OR56A1: variants seen among roughly 807,000 people sequenced by gnomAD.
OR56A1 encodes olfactory receptor family 56 subfamily A member 1.
For missense variants in OR56A1, 360 were observed against 380.9 expected, an observed-to-expected ratio of 0.94 and a Z score of 0.46; for synonymous variants, 174 against 159.1, an observed-to-expected ratio of 1.09 and a Z score of -0.70.
At position 6,026,952 on chromosome 11, in the gene OR56A1, G is replaced by A; in HGVS notation, c.741C>T (p.His247=). 2 of 1,614,060 alleles carry A rather than the reference G, an allele frequency of 1.2e-6. No homozygotes were observed. The highest frequency in any genetic ancestry group is 1.7e-6 in the Non-Finnish European group (2 of 1,179,918). ...TGCTGAAGAAAAGAATGAGGATGAAGTGGGAGCCACATGTGCTCAGGGCCT... is the reference window on the plus strand; with the variant it reads ...TGCTGAAGAAAAGAATGAGGATGAAATGGGAGCCACATGTGCTCAGGGCCT... ...AVKALSTCGS[H]FILILFFSTI... Residue 247 remains histidine (H), a synonymous_variant, in exon 2 of 2, where the codon CAC becomes CAT. Transcript: ENST00000641900.
In OR56A1 at chr11:6,024,386, G is replaced by A. The variant is rs970630214; in HGVS notation, c.*2362C>T. On this transcript the variant is annotated 3_prime_UTR_variant, in exon 2 of 2. Coordinates refer to ENST00000641900, the MANE Select transcript of OR56A1 (RefSeq NM_001388488.1). ...GCATTGATCTACAGAAGTCTGGTTC[G>A]GGAATTAAGATCTGAGTTTTGGCCA... 3 of 152,222 alleles carry A rather than the reference G, an allele frequency of 2.0e-5. No individual in the cohort carries two copies. Among genetic ancestry groups the A allele is most frequent in the African/African-American group, 2.4e-5 (1 of 41,534 alleles). 9.4% of individuals were successfully genotyped at this position (152,222 alleles called of 1,614,324 possible).
In OR56A1 at chr11:6,023,557, C is replaced by G. The variant is rs998703728; in HGVS notation, c.*3191G>C. On this transcript the variant is annotated 3_prime_UTR_variant, in exon 2 of 2. Coordinates refer to ENST00000641900, the MANE Select transcript of OR56A1 (RefSeq NM_001388488.1). ...ATCTTCCTGCTCAAGAGGCTGTGTT[C>G]CTCACACAAATATGACTAACCTGCA... 2 of 152,152 alleles carry G rather than the reference C, an allele frequency of 1.3e-5. No individual in the cohort carries two copies. Among genetic ancestry groups the G allele is most frequent in the African/African-American group, 2.4e-5 (1 of 41,432 alleles). 9.4% of individuals were successfully genotyped at this position (152,152 alleles called of 1,614,324 possible).
upstream of OR56A1, among the ~76,000 whole-genome samples, chr11:6,032,838 G>T (rs890333975): frequency 6.6e-6 from 1 of 152,038 alleles, no homozygotes; most frequent in Non-Finnish European, 1.5e-5. Context: ...TGATCCACTT[G>T]CTCCTAATGT....
chr11:6,020,791 C>G lies in OR56A1; in HGVS notation c.*5957G>C, dbSNP rs1003242226. The G allele has an allele frequency of 6.6e-6, 1 of 151,974 alleles. No individual in the cohort carries two copies. Among genetic ancestry groups the G allele is most frequent in the Non-Finnish European group, 1.5e-5 (1 of 67,956 alleles). 9.4% of individuals were successfully genotyped at this position (151,974 alleles called of 1,614,324 possible). A position where few individuals can be genotyped will look rare whatever the true frequency, so the allele number is the denominator to read the frequency against. The stretch of plus-strand genomic sequence containing the variant: ...ACTTCATGTCTTCTTATTTGGATGG[C>G]CTTTATTTCTTTCTCTTGCCTGATT... On this transcript the variant is annotated 3_prime_UTR_variant, in exon 2 of 2. Coordinates refer to ENST00000641900, the MANE Select transcript of OR56A1 (RefSeq NM_001388488.1).
At chr11:6,028,266 G>A (rs1848477113) in intron 1 of OR56A1, among the ~76,000 whole-genome samples, 1 of 150,558 alleles carries the variant, frequency 6.6e-6, no homozygotes, top group South Asian at 2.1e-4. Flanking sequence ...CCCACAACCT[G>A]AGCCTGAACA....
chr11:6,025,232 C>T lies in OR56A1; in HGVS notation c.*1516G>A, dbSNP rs565238555. On this transcript the variant is annotated 3_prime_UTR_variant, in exon 2 of 2. Coordinates refer to ENST00000641900, the MANE Select transcript of OR56A1 (RefSeq NM_001388488.1). Reference sequence around the variant, plus strand: ...CCTCAGTAGTCACAAGCTTTCAGACCCACATAAGATTGGAGCTGCGCCAGT... The same window carrying T: ...CCTCAGTAGTCACAAGCTTTCAGACTCACATAAGATTGGAGCTGCGCCAGT... The T allele has an allele frequency of 1.2e-4, 19 of 152,374 alleles. No individual in the cohort carries two copies. Among genetic ancestry groups the T allele is most frequent in the African/African-American group, 4.6e-4 (19 of 41,560 alleles). 9.4% of individuals were successfully genotyped at this position (152,374 alleles called of 1,614,324 possible).
At position 6,026,681 on chromosome 11, in the gene OR56A1, C is replaced by T; in HGVS notation, c.*67G>A. 1 of 981,814 alleles carries T rather than the reference C, an allele frequency of 1.0e-6. No individual in the cohort carries two copies. Among genetic ancestry groups the T allele is most frequent in the Non-Finnish European group, 1.6e-6 (1 of 642,994 alleles). The allele number at this position is 981,814 out of a possible 1,614,324, so 60.8% of individuals were successfully genotyped here. On this transcript the variant is annotated 3_prime_UTR_variant, in exon 2 of 2. Coordinates refer to ENST00000641900, the MANE Select transcript of OR56A1 (RefSeq NM_001388488.1). Reference sequence around the variant, plus strand: ...TAAACACTCACTAACTGACATTTCTCTACTTCGCTGCCTAGGTAAAATCAC... The same window carrying T: ...TAAACACTCACTAACTGACATTTCTTTACTTCGCTGCCTAGGTAAAATCAC...
chr11:6,027,675 G>C lies in OR56A1; in HGVS notation c.18C>G (p.Asn6Lys), dbSNP rs758208435. ...ATTCAGAGACTGGGACAGTGGAGCT[G>C]TTGCTGGGTGACGCCATAGGCTGAA... MASPS[N>K]SSTVPVSEFL... The change falls in exon 2 of 2, where the codon AAC (asparagine) becomes AAG (lysine). Residue 6 changes from asparagine (N) to lysine (K), a missense_variant. Coordinates refer to ENST00000641900, the MANE Select transcript of OR56A1 (RefSeq NM_001388488.1). 2 of 1,594,528 alleles carry C rather than the reference G, an allele frequency of 1.3e-6. No individual in the cohort carries two copies. The highest frequency in any genetic ancestry group is 1.3e-5 in the African/African-American group (1 of 74,658).
upstream of OR56A1, among the ~76,000 whole-genome samples, chr11:6,032,503 T>C (rs1357745274): frequency 6.6e-6 from 1 of 152,158 alleles, no homozygotes; most frequent in Non-Finnish European, 1.5e-5. Context: ...AAAAGCCCAC[T>C]GAAAAATATT....
intron 1 of OR56A1, among the ~76,000 whole-genome samples, chr11:6,028,121 A>G (rs117555183): frequency 0.016 from 2,457 of 152,248 alleles, 30 homozygotes; most frequent in Non-Finnish European, 0.024. Flanking sequence ...ACTATACACC[A>G]ATATAATTTG....
upstream of OR56A1, among the ~76,000 whole-genome samples, chr11:6,033,733 G>A (rs564021897): frequency 2.0e-5 from 3 of 152,056 alleles, 1 homozygote; most frequent in South Asian, 4.2e-4. Context: ...TGGCTATTAG[G>A]GGAAAAGGGC....
rs146831961 is a variant in OR56A1 at position 6,027,578 on chromosome 11, G to T, written c.115C>A (p.Leu39Ile). ...GTGGTGTTAGCTCCCATGGCCAGGAGGAAGAGAAGGCTGAGGGGCAGGGAG... is the reference window on the plus strand; with the variant it reads ...GTGGTGTTAGCTCCCATGGCCAGGATGAAGAGAAGGCTGAGGGGCAGGGAG... The part of the protein sequence containing the change: ...WLSLPLSLLF[L>I]LAMGANTTLL... Residue 39 changes from leucine to isoleucine, a missense_variant, in exon 2 of 2, where the codon CTC (leucine) becomes ATC (isoleucine). Coordinates refer to ENST00000641900, the MANE Select transcript of OR56A1 (RefSeq NM_001388488.1). 6 of 1,613,940 alleles carry T rather than the reference G, an allele frequency of 3.7e-6. No individual in the cohort carries two copies. The highest frequency in any genetic ancestry group is 3.4e-6 in the Non-Finnish European group (4 of 1,180,018).
rs200966241 is a variant in OR56A1 at position 6,027,506 on chromosome 11, A to C, written c.187T>G (p.Tyr63Asp). 3.5e-5 allele frequency: 56 copies of C among 1,613,958 alleles called. No homozygotes were observed. Among genetic ancestry groups the C allele is most frequent in the Non-Finnish European group, 4.2e-5 (49 of 1,180,022 alleles). Residue 63 changes from tyrosine (Y) to aspartate (D), a missense_variant, in exon 2 of 2, where the codon TAC (tyrosine) becomes GAC (aspartate). Physicochemically the swap from Tyr to Asp is radical, Grantham distance 160 (BLOSUM62 -3). Coordinates refer to ENST00000641900, the MANE Select transcript of OR56A1 (RefSeq NM_001388488.1). Reference sequence around the variant, plus strand: ...AGGGAGAGGAGGCTGAGCAGGTAGTACAGGGGCTGGTGCAGAGAGGCCTCC... The same window carrying C: ...AGGGAGAGGAGGCTGAGCAGGTAGTCCAGGGGCTGGTGCAGAGAGGCCTCC... ...QLEASLHQPLYYLLSLLSLLD... is the reference protein window; with the variant it reads ...QLEASLHQPLDYLLSLLSLLD...
Sources: allele counts gnomAD v4.1 joint callset (sites outside exome capture counted in the v4.1 genomes callset), GRCh38; gene constraint gnomAD v4.1.1; transcripts MANE v1.5; gene names NCBI Gene and HGNC (gene_info 2026-07-23, HGNC 2026-07-21).